Variants in L3MBTL4 observed in about 807,000 individuals in gnomAD.
L3MBTL4 encodes the protein lethal(3)malignant brain tumor-like protein 4.
L3MBTL4 carries 70 observed loss-of-function variants against 84.5 expected under a neutral mutation model. The observed-to-expected ratio is 0.83, with a 90% CI of 0.68 to 1.01. The LOEUF (loss-of-function observed/expected upper bound fraction) is 1.01. Ranked by LOEUF, L3MBTL4 falls within the 50% of genes least tolerant of loss-of-function variation. The pLI is 0.00. For synonymous variants in L3MBTL4, 274 were observed against 259.8 expected, an observed-to-expected ratio of 1.05 and a Z score of -0.52; for missense variants, 715 against 754.8, an observed-to-expected ratio of 0.95 and a Z score of 0.62.
At chr18:6,254,957 G>A (rs1396939358) in intron 5 of L3MBTL4, among the ~76,000 whole-genome samples, 1 of 152,070 alleles carries the variant, frequency 6.6e-6, no homozygotes, top group African/African-American at 2.4e-5. Flanking sequence ...CAAAGAAAAA[G>A]AACCCACACC....
At chr18:6,198,032 T>C (rs1162908893) in intron 12 of L3MBTL4, among the ~76,000 whole-genome samples, 2 of 152,202 alleles carry the variant, frequency 1.3e-5, no homozygotes, top group African/African-American at 4.8e-5. Flanking sequence ...ACCACCCCTC[T>C]CCCTTTCTTG....
intron 16 of L3MBTL4, among the ~76,000 whole-genome samples, chr18:6,027,815 T>C (rs546780715): frequency 8.8e-4 from 134 of 152,374 alleles, no homozygotes; most frequent in African/African-American, 3.0e-3. Flanking sequence ...CATATGTTTG[T>C]TGTCCGCAGA....
intron 12 of L3MBTL4, among the ~76,000 whole-genome samples, chr18:6,178,371 T>A (rs1025576767): frequency 2.0e-5 from 3 of 152,158 alleles, no homozygotes; most frequent in Non-Finnish European, 4.4e-5. Context: ...TATTTTCATA[T>A]CTTTGGATCA....
chr18:6,078,422 A>C (rs9954581), intron 16 of L3MBTL4, among the ~76,000 whole-genome samples: 1 of 96,612 alleles, frequency 1.0e-5, no homozygotes. Context: ...GGGAGAGTCC[A>C]CCTCAAAAAA....
intron 10 of L3MBTL4, among the ~76,000 whole-genome samples, chr18:6,235,629 CA>C (rs1384934274): frequency 6.6e-6 from 1 of 152,054 alleles, no homozygotes; most frequent in African/African-American, 2.4e-5. Flanking sequence ...CAAGAATAGG[CA>C]AAGTCATAGA....
intron 16 of L3MBTL4, among the ~76,000 whole-genome samples, chr18:6,056,974 A>C (rs1301677260): frequency 6.6e-6 from 1 of 152,158 alleles, no homozygotes; most frequent in South Asian, 2.1e-4. Context: ...CATAGTGAAC[A>C]TATTAAGAAA....
At chr18:6,276,160 C>T (rs1391463422) in intron 4 of L3MBTL4, among the ~76,000 whole-genome samples, 1 of 152,254 alleles carries the variant, frequency 6.6e-6, no homozygotes, top group Non-Finnish European at 1.5e-5. Flanking sequence ...CTCCCTGCTT[C>T]GAGGTGTCCC....
intron 16 of L3MBTL4, among the ~76,000 whole-genome samples, chr18:6,032,887 G>A (rs961133152): frequency 2.0e-5 from 3 of 152,094 alleles, no homozygotes; most frequent in African/African-American, 7.2e-5. Context: ...CCTTTGTTAG[G>A]CTGAATAATA....
At chr18:6,012,550 C>T (rs993444439) in intron 16 of L3MBTL4, among the ~76,000 whole-genome samples, 5 of 151,966 alleles carry the variant, frequency 3.3e-5, no homozygotes, top group Non-Finnish European at 5.9e-5. Context: ...AGAGTCTGGG[C>T]GCAGTGGCTC....
In L3MBTL4 at chr18:6,396,570, G is replaced by A. The variant is rs561404363; in HGVS notation, c.-91+18231C>T. On this transcript the variant is annotated intron_variant, in intron 1 of 18. Transcript: ENST00000317931. ...CAGCTAGTAAGGAAGCACCATGTGT[G>A]ACCATGTGGAAACCACCCCTGTGAC... The A allele has an allele frequency of 8.5e-5, 13 of 152,370 alleles. No individual in the cohort carries two copies. The South Asian group carries it at 2.7e-3, about 32-fold the overall frequency. The allele number at this position is 152,370 out of a possible 1,614,324, so 9.4% of individuals were successfully genotyped here. A position where few individuals can be genotyped will look rare whatever the true frequency, so the allele number is the denominator to read the frequency against.
intron 1 of L3MBTL4, among the ~76,000 whole-genome samples, chr18:6,368,039 G>A (rs1176400185): frequency 2.0e-5 from 3 of 152,070 alleles, no homozygotes; most frequent in Non-Finnish European, 2.9e-5. Flanking sequence ...GTTGCTGAGG[G>A]ATACCAAGCC....
intron 3 of L3MBTL4, among the ~76,000 whole-genome samples, chr18:6,304,299 C>T (rs1181078636): frequency 1.3e-5 from 2 of 152,068 alleles, no homozygotes; most frequent in African/African-American, 4.8e-5. Context: ...TCTAGGTCGA[C>T]AAATATTTGA....
At chr18:6,085,060 A>AAC in intron 15 of L3MBTL4, among the ~76,000 whole-genome samples, 1 of 152,218 alleles carries the variant, frequency 6.6e-6, no homozygotes, top group Non-Finnish European at 1.5e-5. Flanking sequence ...TGGACCAATG[A>AAC]CCTGTGAGAT....
At chr18:6,120,293 G>C (rs2059485636) in intron 14 of L3MBTL4, among the ~76,000 whole-genome samples, 1 of 152,144 alleles carries the variant, frequency 6.6e-6, no homozygotes, top group Non-Finnish European at 1.5e-5. Flanking sequence ...CTTTACACCA[G>C]TCATTACTGT....
chr18:6,155,808 A>C (rs1385386347), intron 13 of L3MBTL4, among the ~76,000 whole-genome samples: 1 of 152,190 alleles, frequency 6.6e-6, no homozygotes, highest in Non-Finnish European at 1.5e-5. Context: ...CTTAGAATGC[A>C]GAGTGAAATG....
intron 3 of L3MBTL4, among the ~76,000 whole-genome samples, chr18:6,306,876 GCAGCA>G (rs1210663467): frequency 1.3e-5 from 2 of 152,280 alleles, no homozygotes; most frequent in East Asian, 3.9e-4. Flanking sequence ...CAGCTAATAA[GCAGCA>G]CAGCTAAAGA....
chr18:6,204,382 C>T (rs1263358113), intron 12 of L3MBTL4, among the ~76,000 whole-genome samples: 3 of 152,202 alleles, frequency 2.0e-5, no homozygotes, highest in African/African-American at 4.8e-5. Flanking sequence ...GCCCCCACCC[C>T]TTCTCCCACA....
intron 13 of L3MBTL4, among the ~76,000 whole-genome samples, chr18:6,148,253 AAAT>A (rs1312609344): frequency 6.6e-6 from 1 of 152,208 alleles, no homozygotes; most frequent in East Asian, 1.9e-4. Flanking sequence ...ACAACCACTT[AAAT>A]ACAACAAAAC....
At chr18:6,304,105 T>C (rs2050473195) in intron 3 of L3MBTL4, among the ~76,000 whole-genome samples, 1 of 151,834 alleles carries the variant, frequency 6.6e-6, no homozygotes, top group Non-Finnish European at 1.5e-5. Flanking sequence ...TGTATACTAA[T>C]ATTTTAATGA....
Sources: gnomAD v4.1 joint callset for allele counts (sites outside exome capture counted in the v4.1 genomes callset) on GRCh38, gnomAD v4.1.1 for gene constraint, MANE v1.5 for transcripts, NCBI Gene and HGNC (gene_info 2026-07-23, HGNC 2026-07-21) for gene names.